UNC93A: variants seen among roughly 807,000 people sequenced by gnomAD.
The protein encoded by UNC93A is N-acetylglucosamine transporter UNC93A.
In UNC93A, 43 loss-of-function variants were observed where a neutral mutation model predicts 47.5. The observed-to-expected ratio is 0.91, with a 90% CI of 0.71 to 1.17. UNC93A has a LOEUF of 1.17. UNC93A is among the 50% of genes most tolerant of loss of function. The pLI, the probability that UNC93A is intolerant of heterozygous loss-of-function variation, is 0.00. For synonymous variants in UNC93A, 280 were observed against 258.0 expected (o/e 1.09, Z -0.82); for missense variants, 605 against 577.6 (o/e 1.05, Z -0.49).
chr6:167,312,993 G>C (rs567945565), intron 7 of UNC93A, among the ~76,000 whole-genome samples: 103 of 152,256 alleles, frequency 6.8e-4, no homozygotes, highest in African/African-American at 2.0e-3. Flanking sequence ...TTCTTCCTCC[G>C]TGTTTCTTAA....
At chr6:167,280,572 A>C (rs1783615288) in intron 1 of UNC93A, among the ~76,000 whole-genome samples, 1 of 152,150 alleles carries the variant, frequency 6.6e-6, no homozygotes, top group Non-Finnish European at 1.5e-5. Context: ...TGAATATCTC[A>C]GTCCTTAGAG....
rs1778373746 is a variant in UNC93A, at chr6:167,305,930, ACC to A, written c.858_859del (p.Leu287GlyfsTer16). On this transcript the variant is annotated frameshift_variant, in exon 6 of 8. Coordinates refer to ENST00000230256, the MANE Select transcript of UNC93A (RefSeq NM_018974.4). LOFTEE classifies it high-confidence loss of function. ...CTCTCCCCAGTCCTATGTCACCTGC[ACC>A]CTGGGCATCCAGTTCGTCGGCTACG... ...SEYTRSYVTC[T>X]LGIQFVGYVM... is the part of the protein sequence containing the mutation. 6 of 1,613,950 alleles carry A rather than the reference ACC, an allele frequency of 3.7e-6. No individual in the cohort carries two copies. The highest frequency in any genetic ancestry group is 1.3e-5 in the African/African-American group (1 of 74,870).
intron 7 of UNC93A, among the ~76,000 whole-genome samples, chr6:167,313,521 G>A (rs1778612075): frequency 1.3e-5 from 2 of 152,050 alleles, no homozygotes; most frequent in Non-Finnish European, 2.9e-5. Flanking sequence ...CTGGGGGAGT[G>A]GAGTGAGTCC....
At chr6:167,294,424 C>T (rs931305803) in intron 1 of UNC93A, 93 bp from the exon 2 acceptor site, 19 of 1,449,758 alleles carry the variant, frequency 1.3e-5, no homozygotes, top group Admixed American at 6.0e-5. Context: ...GGAGCTGTGG[C>T]GGCCTCCAGC....
intron 7 of UNC93A, among the ~76,000 whole-genome samples, chr6:167,311,814 T>G (rs1778560929): frequency 6.6e-6 from 1 of 152,294 alleles, no homozygotes; most frequent in Non-Finnish European, 1.5e-5. Context: ...CCTTGAAAGG[T>G]ACCAACCTAT....
At chr6:167,314,987 C>A (rs1778652474) in intron 7 of UNC93A, among the ~76,000 whole-genome samples, 200 bp from the exon 8 acceptor site, 1 of 152,182 alleles carries the variant, frequency 6.6e-6, no homozygotes, top group Non-Finnish European at 1.5e-5. Flanking sequence ...GCAAAATAAA[C>A]ATTCTAAGTT....
intron 1 of UNC93A, among the ~76,000 whole-genome samples, chr6:167,274,130 CAT>C (rs1486231159): frequency 6.6e-6 from 1 of 152,158 alleles, no homozygotes; most frequent in Non-Finnish European, 1.5e-5. Context: ...CCTTATCTGT[CAT>C]GTGAAGTTAC....
intron 1 of UNC93A, among the ~76,000 whole-genome samples, chr6:167,273,006 TG>T (rs933213597): frequency 1.5e-5 from 2 of 135,162 alleles, no homozygotes; most frequent in African/African-American, 5.6e-5. Flanking sequence ...TTCAGATGGT[TG>T]GGGGGCCATA....
intron 1 of UNC93A, among the ~76,000 whole-genome samples, chr6:167,279,420 A>G (rs1783596319): frequency 6.6e-6 from 1 of 152,228 alleles, no homozygotes; most frequent in African/African-American, 2.4e-5. Flanking sequence ...AGGTTCTAAC[A>G]TCTGCCTAGT....
At chr6:167,279,065 G>T (rs946737596) in intron 1 of UNC93A, among the ~76,000 whole-genome samples, 1 of 152,198 alleles carries the variant, frequency 6.6e-6, no homozygotes, top group African/African-American at 2.4e-5. Flanking sequence ...TCAATTAAAA[G>T]AAGTTAAAAA....
intron 4 of UNC93A, among the ~76,000 whole-genome samples, chr6:167,300,788 T>G (rs895747248): frequency 5.9e-5 from 9 of 152,270 alleles, no homozygotes; most frequent in African/African-American, 1.7e-4. Context: ...TCGGGGACAT[T>G]GAGCTGAGTC....
intron 7 of UNC93A, among the ~76,000 whole-genome samples, chr6:167,309,936 A>C (rs1562360826): frequency 6.6e-6 from 1 of 152,176 alleles, no homozygotes; most frequent in African/African-American, 2.4e-5. Context: ...GGAGGCTGGA[A>C]GGGGTAGACT....
intron 6 of UNC93A, among the ~76,000 whole-genome samples, chr6:167,306,712 G>A (rs996743818): frequency 3.3e-5 from 5 of 152,218 alleles, no homozygotes; most frequent in South Asian, 2.1e-4. Flanking sequence ...TTTCCTATCC[G>A]TCTTCACGGC....
chr6:167,312,348 C>T (rs1258045425), intron 7 of UNC93A, among the ~76,000 whole-genome samples: 6 of 152,020 alleles, frequency 3.9e-5, no homozygotes, highest in African/African-American at 1.2e-4. Flanking sequence ...TTTCCACACG[C>T]GGTTCTGCGG....
chr6:167,272,917 C>T (rs1373396759), intron 1 of UNC93A, among the ~76,000 whole-genome samples: 6 of 152,042 alleles, frequency 3.9e-5, no homozygotes, highest in African/African-American at 1.5e-4. Flanking sequence ...GAGGTCTGTC[C>T]GGCCCCCACT....
intron 6 of UNC93A, 130 bp downstream of exon 6, chr6:167,306,180 A>G: frequency 1.6e-6 from 2 of 1,267,750 alleles, no homozygotes; most frequent in African/African-American, 1.5e-5. Context: ...GCCCTGTAAG[A>G]TGCATTCATT....
intron 5 of UNC93A, among the ~76,000 whole-genome samples, chr6:167,305,422 G>C (rs74760838): frequency 6.6e-6 from 1 of 152,152 alleles, no homozygotes; most frequent in Non-Finnish European, 1.5e-5. Flanking sequence ...CCTGTTCTGC[G>C]TGCCCGCCCT....
intron 5 of UNC93A, among the ~76,000 whole-genome samples, chr6:167,304,432 C>G (rs2115159829): frequency 6.6e-6 from 1 of 152,346 alleles, no homozygotes; most frequent in African/African-American, 2.4e-5. Context: ...CTGCCGCTGA[C>G]TCACCCCACA....
intron 1 of UNC93A, among the ~76,000 whole-genome samples, chr6:167,278,845 A>C (rs1156295615): frequency 2.0e-5 from 3 of 152,132 alleles, no homozygotes; most frequent in Non-Finnish European, 4.4e-5. Flanking sequence ...TTTTCATTTT[A>C]ACAGTTACAG....
Sources: allele counts gnomAD v4.1 joint callset (sites outside exome capture counted in the v4.1 genomes callset), GRCh38; gene constraint gnomAD v4.1.1; transcripts MANE v1.5; gene names NCBI Gene and HGNC (gene_info 2026-07-23, HGNC 2026-07-21).